SEC63: variants seen among roughly 807,000 people sequenced by gnomAD.
The protein encoded by SEC63 is translocation protein SEC63 homolog.
Under a neutral mutation model 116.2 loss-of-function variants are expected in SEC63, and 56 were observed. The ratio of observed to expected loss-of-function variants is 0.48; its 90% CI spans 0.39 to 0.60. The LOEUF is 0.60. Ranked by LOEUF, SEC63 falls within the 20% of genes least tolerant of loss-of-function variation. The pLI is 0.00. For synonymous variants in SEC63, 273 were observed against 294.6 expected (o/e 0.93, Z 0.75); for missense variants, 668 against 900.0 (o/e 0.74, Z 3.30).
In SEC63 at chr6:107,958,015, C is replaced by T; in HGVS notation, c.-6G>A. The T allele has an allele frequency of 6.2e-7, 1 of 1,613,114 alleles. No individual in the cohort carries two copies. Among genetic ancestry groups the T allele is most frequent in the South Asian group, 1.1e-5 (1 of 91,072 alleles). ...TGGAACTGCTGCCCGGCCATGGCAC[C>T]CCCTCCTCCGCCTCGCTCTTCTCAC... On this transcript the variant is annotated 5_prime_UTR_variant, in exon 1 of 21. Transcript: ENST00000369002.
intron 19 of SEC63, 112 bp from the exon 20 acceptor site, chr6:107,873,024 C>T: frequency 1.4e-6 from 1 of 724,160 alleles, no homozygotes; most frequent in Admixed American, 2.1e-5. Context: ...GCAGATGATA[C>T]AGAAAGTCCT....
At chr6:107,905,042 A>G (rs753128046) in intron 10 of SEC63, among the ~76,000 whole-genome samples, 1 of 152,220 alleles carries the variant, frequency 6.6e-6, no homozygotes, top group African/African-American at 2.4e-5. Context: ...CAGATCAACT[A>G]AATATGTCAA....
At chr6:107,949,467 G>A (rs1444516946) in intron 1 of SEC63, among the ~76,000 whole-genome samples, 6 of 151,958 alleles carry the variant, frequency 3.9e-5, no homozygotes, top group African/African-American at 7.3e-5. Flanking sequence ...GCAAAACCCA[G>A]TCTCTATTTA....
intron 16 of SEC63, among the ~76,000 whole-genome samples, chr6:107,889,028 C>G (rs2114418505): frequency 6.6e-6 from 1 of 152,314 alleles, no homozygotes; most frequent in East Asian, 1.9e-4. Context: ...CAATGTTCAT[C>G]AGGGATATTC....
rs1049229052 is a variant in SEC63, at chr6:107,888,511, C to A, written c.1674+4971G>T. Among the ~76,000 whole-genome samples the A allele has an allele frequency of 3.9e-5, 6 of 152,250 alleles. No homozygotes were observed. The East Asian group carries it at 7.7e-4, about 20-fold the overall frequency. ...TTTTGGGCTGAGACGATGGGGTTTTCTAAATATATAATCATGTCATCTGCA... is the reference window on the plus strand; with the variant it reads ...TTTTGGGCTGAGACGATGGGGTTTTATAAATATATAATCATGTCATCTGCA... On this transcript the variant is annotated intron_variant, in intron 16 of 20. Transcript: ENST00000369002.
At chr6:107,955,501 G>C (rs1770693592) in intron 1 of SEC63, among the ~76,000 whole-genome samples, 1 of 152,212 alleles carries the variant, frequency 6.6e-6, no homozygotes, top group Non-Finnish European at 1.5e-5. Context: ...TAAAGTAAAA[G>C]TTGAAGTCCA....
chr6:107,939,692 C>T (rs560911836), intron 1 of SEC63, among the ~76,000 whole-genome samples: 8 of 152,042 alleles, frequency 5.3e-5, no homozygotes, highest in East Asian at 1.9e-4. Context: ...GCCAAGATCA[C>T]GCCACTGCAC....
At chr6:107,888,961 AC>A in intron 16 of SEC63, among the ~76,000 whole-genome samples, 1 of 152,044 alleles carries the variant, frequency 6.6e-6, no homozygotes, top group East Asian at 1.9e-4. Context: ...TGGTGGATAA[AC>A]TTTCTGATGT....
At chr6:107,948,298 C>T (rs948079158) in intron 1 of SEC63, among the ~76,000 whole-genome samples, 1 of 152,198 alleles carries the variant, frequency 6.6e-6, no homozygotes, top group African/African-American at 2.4e-5. Context: ...TGGCATAAGA[C>T]AGAGTTGAGT....
At position 107,906,788 on chromosome 6, in the gene SEC63, A is replaced by G; in HGVS notation, c.734-11T>C. On this transcript the variant is annotated splice_polypyrimidine_tract_variant and intron_variant, in intron 8 of 20. Transcript: ENST00000369002. ...AAACCATGATAAGACCTAACAAAAC[A>G]AAAGAAATATGAAGGTAAATAAATA... 1.3e-6 allele frequency: 2 copies of G among 1,585,688 alleles called. No homozygotes were observed. Among genetic ancestry groups the G allele is most frequent in the Non-Finnish European group, 1.7e-6 (2 of 1,154,216 alleles).
At chr6:107,946,184 C>T (rs1583778247) in intron 1 of SEC63, among the ~76,000 whole-genome samples, 1 of 151,600 alleles carries the variant, frequency 6.6e-6, no homozygotes, top group African/African-American at 2.4e-5. Flanking sequence ...ATCCGCCTAC[C>T]GTGGCCTCCC....
At chr6:107,917,612 G>A (rs1419937198) in intron 4 of SEC63, among the ~76,000 whole-genome samples, 2 of 152,150 alleles carry the variant, frequency 1.3e-5, no homozygotes, top group Admixed American at 6.5e-5. Context: ...GCGCTTAAAG[G>A]AACTTAAAAG....
At chr6:107,887,252 A>G (rs1786552145) in intron 16 of SEC63, among the ~76,000 whole-genome samples, 1 of 148,066 alleles carries the variant, frequency 6.8e-6, no homozygotes, top group Non-Finnish European at 1.5e-5. Flanking sequence ...TACTGGGTAT[A>G]TACCCAAAGG....
intron 1 of SEC63, among the ~76,000 whole-genome samples, chr6:107,937,217 G>C (rs1770268949): frequency 6.7e-6 from 1 of 149,618 alleles, no homozygotes; most frequent in Non-Finnish European, 1.5e-5. Flanking sequence ...CCACCTCCCG[G>C]GTTCAAGTGA....
chr6:107,913,288 T>C lies in SEC63; in HGVS notation c.514+78A>G. 6 of 941,234 alleles carry C rather than the reference T, an allele frequency of 6.4e-6. No homozygotes were observed. In the South Asian group the frequency reaches 8.1e-5, roughly 13 times the overall value. 58.3% of individuals were successfully genotyped at this position (941,234 alleles called of 1,614,324 possible). ...GAGTATAAGTTTAGTAAGAAAATAA[T>C]ATTATTCCTTTAATCTGGTTAACAT... On this transcript the variant is annotated intron_variant, in intron 5 of 20. Transcript: ENST00000369002.
intron 7 of SEC63, chr6:107,911,113 T>C (rs543757665): frequency 2.4e-5 from 13 of 537,236 alleles, no homozygotes; most frequent in South Asian, 1.4e-4. Flanking sequence ...TTTTTTTCAG[T>C]TGGGGTCTCA....
At chr6:107,949,450 C>T (rs1254655578) in intron 1 of SEC63, among the ~76,000 whole-genome samples, 2 of 151,496 alleles carry the variant, frequency 1.3e-5, no homozygotes, top group African/African-American at 2.4e-5. Flanking sequence ...CAAGCTTGAG[C>T]AACATGGCAA....
chr6:107,879,324 C>T lies in SEC63; in HGVS notation c.1935+1825G>A, dbSNP rs555716295. On this transcript the variant is annotated intron_variant, in intron 18 of 20. Coordinates refer to ENST00000369002, the MANE Select transcript of SEC63 (RefSeq NM_007214.5). ...GATTATAGGCACCCGCCACCACGCC[C>T]GGCTAATGTTTTTATTTTTGAGACA... Among the ~76,000 whole-genome samples the T allele has an allele frequency of 6.6e-5, 10 of 151,780 alleles. No homozygotes were observed. In the South Asian group the frequency reaches 1.5e-3, roughly 22 times the overall value.
intron 2 of SEC63, among the ~76,000 whole-genome samples, chr6:107,927,267 T>C (rs561715445): frequency 1.3e-5 from 2 of 152,238 alleles, no homozygotes; most frequent in Non-Finnish European, 2.9e-5. Context: ...GGTTTCACTA[T>C]GTTGGCCAGG....
Sources: gnomAD v4.1 joint callset for allele counts (sites outside exome capture counted in the v4.1 genomes callset) on GRCh38, gnomAD v4.1.1 for gene constraint, MANE v1.5 for transcripts, NCBI Gene and HGNC (gene_info 2026-07-23, HGNC 2026-07-21) for gene names.